Variants in FRMPD4 observed in about 807,000 individuals in gnomAD.
The protein encoded by FRMPD4 is FERM and PDZ domain-containing protein 4.
Under a neutral mutation model 94.1 loss-of-function variants are expected in FRMPD4, and 22 were observed. The observed-to-expected ratio is 0.23, with a 90% CI of 0.17 to 0.33. The LOEUF is 0.33. Among genes scored for constraint, FRMPD4 ranks in the 10% least tolerant of loss-of-function variants. The pLI is 1.00. For synonymous variants in FRMPD4, 631 were observed against 548.6 expected, an observed-to-expected ratio of 1.15 and a Z score of -2.10; for missense variants, 1,111 against 1,339.9, an observed-to-expected ratio of 0.83 and a Z score of 2.67.
intron 1 of FRMPD4, among the ~76,000 whole-genome samples, chrX:12,431,228 T>G (rs1754378509): frequency 8.9e-6 from 1 of 112,643 alleles, no homozygotes. Flanking sequence ...AGAGAAATCA[T>G]TATAATCAAA....
At chrX:12,674,189 C>T (rs1414655592) in intron 4 of FRMPD4, among the ~76,000 whole-genome samples, 3 of 111,891 alleles carry the variant, frequency 2.7e-5, no homozygotes, top group Admixed American at 9.5e-5. Flanking sequence ...TTACATTGTT[C>T]TGCTTTTAGC....
At chrX:12,714,553 C>T (rs1434655242) in intron 14 of FRMPD4, among the ~76,000 whole-genome samples, 1 of 111,989 alleles carries the variant, frequency 8.9e-6, no homozygotes, top group African/African-American at 3.3e-5. Flanking sequence ...CTCATACACC[C>T]ATCTGTTTAT....
At chrX:12,658,782 T>C (rs1306819184) in intron 4 of FRMPD4, among the ~76,000 whole-genome samples, 2 of 111,829 alleles carry the variant, frequency 1.8e-5, no homozygotes, top group African/African-American at 6.5e-5. Flanking sequence ...AGAGAGCCAT[T>C]AAAAAGTCTG....
At chrX:12,306,080 CA>C (rs11291162) in intron 1 of FRMPD4, among the ~76,000 whole-genome samples, 11,046 of 53,511 alleles carry the variant, frequency 0.21, 748 homozygotes, top group Admixed American at 0.46. Context: ...TGCTGTGCTT[CA>C]AAAAAAAAAA....
At chrX:12,091,782 C>T (rs932562841) in intron 3 of FRMPD4, among the ~76,000 whole-genome samples, 4 of 111,648 alleles carry the variant, frequency 3.6e-5, no homozygotes, top group Admixed American at 9.5e-5. Flanking sequence ...GGTATCCCCA[C>T]AGTAAAGGAT....
At chrX:12,246,422 G>A (rs1336233911) in intron 1 of FRMPD4, among the ~76,000 whole-genome samples, 1 of 111,586 alleles carries the variant, frequency 9.0e-6, no homozygotes, top group Non-Finnish European at 1.9e-5. Context: ...GGATTATTCA[G>A]CCCTTAGAAT....
intron 1 of FRMPD4, among the ~76,000 whole-genome samples, chrX:12,412,594 G>T (rs1349343677): frequency 1.8e-5 from 2 of 112,345 alleles, no homozygotes; most frequent in Admixed American, 1.9e-4. Context: ...TCTATAGCAT[G>T]CAGATTAAAT....
chrX:12,228,815 A>G (rs2056951782), intron 1 of FRMPD4, among the ~76,000 whole-genome samples: 1 of 112,133 alleles, frequency 8.9e-6, no homozygotes, highest in Admixed American at 9.5e-5. Context: ...TGACCATTGG[A>G]TAAGAATGTC....
chrX:11,994,410 T>C (rs2054485328), intron 3 of FRMPD4, among the ~76,000 whole-genome samples: 1 of 111,667 alleles, frequency 9.0e-6, no homozygotes, highest in Non-Finnish European at 1.9e-5. Flanking sequence ...TTCTCTTCTT[T>C]TAAAAGGCAG....
In FRMPD4 at chrX:12,305,725, G is replaced by GTTTTTTTTTTTTTT. The variant is rs58794898; in HGVS notation, c.41+166722_41+166735dup. 8.1e-3 allele frequency among the ~76,000 whole-genome samples: 484 copies of GTTTTTTTTTTTTTT among 59,657 alleles called. 44 individuals carry two copies. The highest frequency in any genetic ancestry group is 0.031 in the African/African-American group (408 of 13,202). The allele number at this position is 59,657 out of a possible 115,157, so 51.8% of individuals were successfully genotyped here. On this transcript the variant is annotated intron_variant, in intron 1 of 16. Transcript: ENST00000675598. The stretch of plus-strand genomic sequence containing the variant: ...GGCATGTACCACCACAGCTGGCTAA[G>GTTTTTTTTTTTTTT]TTTTTTTTTTTTTTTTTTTTTTACA...
rs758563371 is a variant in FRMPD4, at chrX:12,627,056, A to G, written c.422+12175A>G. On this transcript the variant is annotated intron_variant, in intron 4 of 16. Coordinates refer to ENST00000675598, the MANE Select transcript of FRMPD4 (RefSeq NM_001368397.1). ...TTTGGGAGGCCAAGGCAGGCAGATC[A>G]TCTGAGGTCAGGAGTTCCAGACCAG... Among the ~76,000 whole-genome samples the G allele has an allele frequency of 3.6e-5, 4 of 111,098 alleles. No individual in the cohort carries two copies. The South Asian group carries it at 1.6e-3, about 43-fold the overall frequency.
Position 12,716,143 on chromosome X carries a change from G to A in FRMPD4, c.1684G>A (p.Gly562Ser). 3 of 1,206,761 alleles carry A rather than the reference G, an allele frequency of 2.5e-6. No individual in the cohort carries two copies. Among genetic ancestry groups the A allele is most frequent in the African/African-American group, 1.7e-5 (1 of 57,517 alleles). The change falls in exon 15 of 17, where the codon GGC (glycine) becomes AGC (serine). Residue 562 changes from glycine (G) to serine (S), a missense_variant. Physicochemically the swap from Gly to Ser is moderately conservative, Grantham distance 56. Coordinates refer to ENST00000675598, the MANE Select transcript of FRMPD4 (RefSeq NM_001368397.1). ...TATACCCCAAATGACCACCTTTATT[G>A]GCGAAGGGGAACAAGAAGCCCAGAT... ...NCIPQMTTFI[G>S]EGEQEAQITY... is the part of the protein sequence containing the mutation.
At chrX:12,505,327 G>A (rs1434090630) in intron 2 of FRMPD4, among the ~76,000 whole-genome samples, 1 of 111,792 alleles carries the variant, frequency 8.9e-6, no homozygotes, top group Non-Finnish European at 1.9e-5. Context: ...CAAATGCCAC[G>A]TGGGGGTGTG....
chrX:12,602,086 T>C (rs1416534287), intron 2 of FRMPD4, among the ~76,000 whole-genome samples: 1 of 111,744 alleles, frequency 8.9e-6, no homozygotes, highest in African/African-American at 3.3e-5. Flanking sequence ...AAAAAATATA[T>C]ATTTTCAATA....
chrX:12,061,063 T>G (rs1219390728), intron 3 of FRMPD4, among the ~76,000 whole-genome samples: 1 of 112,200 alleles, frequency 8.9e-6, no homozygotes, highest in Non-Finnish European at 1.9e-5. Flanking sequence ...AAAGACAAGT[T>G]TATTAATGTG....
Position 12,292,111 on chromosome X carries a change from C to A in FRMPD4, c.41+153099C>A, listed in dbSNP as rs766748482. On this transcript the variant is annotated intron_variant, in intron 1 of 16. Coordinates refer to ENST00000675598, the MANE Select transcript of FRMPD4 (RefSeq NM_001368397.1). ...GAGAGAGAACACACATCCTGGGGAA[C>A]CATGGGGAGTCTCAGTTAAAAGATT... Among the ~76,000 whole-genome samples, 10 of 111,380 alleles carry A rather than the reference C, an allele frequency of 9.0e-5. No individual in the cohort carries two copies. The South Asian group carries it at 3.4e-3, about 38-fold the overall frequency.
intron 3 of FRMPD4, among the ~76,000 whole-genome samples, chrX:11,885,163 T>A: frequency 8.9e-6 from 1 of 112,029 alleles, no homozygotes; most frequent in Non-Finnish European, 1.9e-5. Context: ...AAGCAAAATA[T>A]GATATATTCA....
At chrX:12,603,053 A>G (rs909544045) in intron 2 of FRMPD4, among the ~76,000 whole-genome samples, 2 of 112,093 alleles carry the variant, frequency 1.8e-5, no homozygotes, top group Non-Finnish European at 3.8e-5. Flanking sequence ...TGCTACCAAG[A>G]TAAGAGCATA....
chrX:12,393,419 A>G (rs891718197), intron 1 of FRMPD4, among the ~76,000 whole-genome samples: 2 of 112,313 alleles, frequency 1.8e-5, no homozygotes, highest in Admixed American at 9.4e-5. Flanking sequence ...GTAATTTTTT[A>G]AAAGATGATA....
Sources: allele counts gnomAD v4.1 joint callset (sites outside exome capture counted in the v4.1 genomes callset), GRCh38; gene constraint gnomAD v4.1.1; transcripts MANE v1.5; gene names NCBI Gene and HGNC (gene_info 2026-07-23, HGNC 2026-07-21).